ZNF783: variants seen among roughly 807,000 people sequenced by gnomAD.
ZNF783 encodes protein ZNF783.
A neutral mutation model predicts 31.3 loss-of-function variants in ZNF783; 25 were observed. The observed-to-expected ratio is 0.80, with a 90% CI of 0.58 to 1.11. ZNF783 has a LOEUF of 1.11. Ranked by LOEUF, ZNF783 falls within the 50% of genes most tolerant of loss-of-function variation. The pLI, the probability that ZNF783 is intolerant of heterozygous loss-of-function variation, is 0.00. For missense variants in ZNF783, 797 were observed against 760.0 expected (o/e 1.05, Z -0.57); for synonymous variants, 369 against 319.1 (o/e 1.16, Z -1.66).
Position 149,278,182 on chromosome 7 carries a change from G to A in ZNF783, c.674-217G>A, listed in dbSNP as rs529679039. Reference sequence around the variant, plus strand: ...CGATCATTACCGTGATTTCCTGTCTGCTGAATTCCTGTGCTGCAGTTTCCT... The same window carrying A: ...CGATCATTACCGTGATTTCCTGTCTACTGAATTCCTGTGCTGCAGTTTCCT... On this transcript the variant is annotated intron_variant, in intron 4 of 5. Transcript: ENST00000434415. 1.8e-5 allele frequency: 24 copies of A among 1,343,034 alleles called. No individual in the cohort carries two copies. In the South Asian group the frequency reaches 3.1e-4, roughly 18 times the overall value. 83.2% of individuals were successfully genotyped at this position (1,343,034 alleles called of 1,614,324 possible).
intron 4 of ZNF783, among the ~76,000 whole-genome samples, chr7:149,272,003 C>T (rs975637124): frequency 1.3e-5 from 2 of 152,010 alleles, no homozygotes; most frequent in Non-Finnish European, 2.9e-5. Context: ...TTTTTGCCAA[C>T]GTATCTTTTT....
intron 4 of ZNF783, among the ~76,000 whole-genome samples, chr7:149,268,540 G>A (rs1797140536): frequency 6.6e-6 from 1 of 151,994 alleles, no homozygotes; most frequent in Admixed American, 6.6e-5. Context: ...TTTGTTACAT[G>A]GGTATATTGT....
rs1209144642 is a variant in ZNF783, at chr7:149,266,482, G to T, written c.172G>T (p.Asp58Tyr). ...CATTCAGGCCTTGGAGAAGAAGGTG[G>T]ATTCCTGCCTGACCCGCTTGCTGAC... ...AAIQALEKKV[D>Y]SCLTRLLTLE... Residue 58 changes from aspartate (D) to tyrosine (Y), a missense_variant, in exon 2 of 6, where the codon GAT becomes TAT. Transcript: ENST00000434415. 2 of 1,612,738 alleles carry T rather than the reference G, an allele frequency of 1.2e-6. No homozygotes were observed. The highest frequency in any genetic ancestry group is 1.7e-5 in the Admixed American group (1 of 60,020).
rs957904754 is a variant in ZNF783, at chr7:149,282,891, G to A, written c.*548G>A. ...GCCTTTTGCAAAGTCGGAAAGAGTC[G>A]GCTTTTCCATGTGAGGCTCGCAGAG... On this transcript the variant is annotated 3_prime_UTR_variant, in exon 6 of 6. Coordinates refer to ENST00000434415, the MANE Select transcript of ZNF783 (RefSeq NM_001195220.2). 2 of 152,236 alleles carry A rather than the reference G, an allele frequency of 1.3e-5. No individual in the cohort carries two copies. Among genetic ancestry groups the A allele is most frequent in the Non-Finnish European group, 2.9e-5 (2 of 68,160 alleles). 9.4% of individuals were successfully genotyped at this position (152,236 alleles called of 1,614,324 possible). A position where few individuals can be genotyped will look rare whatever the true frequency, so the allele number is the denominator to read the frequency against.
At chr7:149,269,952 A>G (rs1462255762) in intron 4 of ZNF783, among the ~76,000 whole-genome samples, 1 of 151,708 alleles carries the variant, frequency 6.6e-6, no homozygotes, top group Non-Finnish European at 1.5e-5. Flanking sequence ...TAGTTTGCTG[A>G]GAATGATGGT....
intron 4 of ZNF783, among the ~76,000 whole-genome samples, chr7:149,274,804 C>T (rs764219444): frequency 1.3e-5 from 2 of 152,150 alleles, no homozygotes; most frequent in Non-Finnish European, 2.9e-5. Flanking sequence ...TACCGTAGAT[C>T]TGTAGTATAA....
At chr7:149,267,315 C>A in intron 4 of ZNF783, 93 bp downstream of exon 4, 1 of 1,479,262 alleles carries the variant, frequency 6.8e-7, no homozygotes, top group Non-Finnish European at 8.9e-7. Context: ...TCAGGGAGGG[C>A]AGGAAGGGAG....
At chr7:149,276,247 T>C (rs1394622880) in intron 4 of ZNF783, 1 of 703,610 alleles carries the variant, frequency 1.4e-6, no homozygotes, top group African/African-American at 1.9e-5. Context: ...TCACTTAGAC[T>C]GTTCTGTTTC....
chr7:149,263,302 G>GTATATA (rs1554477451), intron 1 of ZNF783, among the ~76,000 whole-genome samples: 5 of 62,770 alleles, frequency 8.0e-5, no homozygotes, highest in East Asian at 6.2e-4. Flanking sequence ...GTGTGTGTGT[G>GTATATA]TGTATATATA....
chr7:149,273,054 C>G (rs1435317411), intron 4 of ZNF783, among the ~76,000 whole-genome samples: 1 of 152,184 alleles, frequency 6.6e-6, no homozygotes, highest in Non-Finnish European at 1.5e-5. Context: ...TCCAGTTCCA[C>G]CCATGTTGTT....
chr7:149,268,838 A>G (rs1797147453), intron 4 of ZNF783, among the ~76,000 whole-genome samples: 1 of 152,132 alleles, frequency 6.6e-6, no homozygotes, highest in South Asian at 2.1e-4. Flanking sequence ...TTCTTTATTC[A>G]GTCCACCACT....
Position 149,266,686 on chromosome 7 carries a change from T to G in ZNF783, c.376T>G (p.Trp126Gly), listed in dbSNP as rs1430484880. 2.5e-6 allele frequency: 4 copies of G among 1,614,120 alleles called. No individual in the cohort carries two copies. The part of the protein sequence containing the change: ...VENLLRNRNF[W>G]ILRLPPGSKG... Reference sequence around the variant, plus strand: ...GAACTTGCTGCGCAACAGGAACTTCTGGATCTTGCGGCTGCCCCCGGGCAG... The same window carrying G: ...GAACTTGCTGCGCAACAGGAACTTCGGGATCTTGCGGCTGCCCCCGGGCAG... The change falls in exon 2 of 6, where the codon TGG becomes GGG. Residue 126 changes from tryptophan (W) to glycine (G), a missense_variant. Physicochemically the swap from Trp to Gly is radical, Grantham distance 184. Transcript: ENST00000434415.
Position 149,281,705 on chromosome 7 carries a change from G to C in ZNF783, c.1003G>C (p.Gly335Arg). Residue 335 changes from glycine (G) to arginine (R), a missense_variant, in exon 6 of 6, where the codon GGG (glycine) becomes CGG (arginine). Transcript: ENST00000434415. Reference protein sequence around the residue: ...AGEPRPPGASGETPRVLSRRR... With the variant: ...AGEPRPPGASRETPRVLSRRR... ...GGAGCCACGGCCACCGGGGGCCAGT[G>C]GGGAGACGCCCCGAGTCCTCTCCCG... 1 of 1,491,458 alleles carries C rather than the reference G, an allele frequency of 6.7e-7. No individual in the cohort carries two copies. The highest frequency in any genetic ancestry group is 2.4e-5 in the East Asian group (1 of 41,854). The allele number at this position is 1,491,458 out of a possible 1,614,324, so 92.4% of individuals were successfully genotyped here. A position where few individuals can be genotyped will look rare whatever the true frequency, so the allele number is the denominator to read the frequency against.
chr7:149,267,573 G>A (rs572144959), intron 4 of ZNF783, among the ~76,000 whole-genome samples: 6 of 152,266 alleles, frequency 3.9e-5, no homozygotes, highest in East Asian at 1.9e-4. Context: ...TGAGGCGGGC[G>A]GATCATGAGG....
At chr7:149,278,590 C>T (rs921235015) in intron 5 of ZNF783, 63 bp downstream of exon 5, 33 of 1,590,946 alleles carry the variant, frequency 2.1e-5, no homozygotes, top group Non-Finnish European at 2.4e-5. Flanking sequence ...GATCACCAAG[C>T]GATGGTGCTG....
intron 5 of ZNF783, 101 bp downstream of exon 5, chr7:149,278,628 G>A (rs2129525147): frequency 6.5e-7 from 1 of 1,538,946 alleles, no homozygotes; most frequent in Non-Finnish European, 8.7e-7. Flanking sequence ...CATGGGGCTG[G>A]GAGAGAGGGC....
Position 149,281,596 on chromosome 7 carries a change from G to C in ZNF783, c.894G>C (p.Glu298Asp). Reference sequence around the variant, plus strand: ...TGGGGGTGTCCCGAGGCCAGACCGAGTGTAGAATCCCCCGAGGGCCCAGGA... The same window carrying C: ...TGGGGGTGTCCCGAGGCCAGACCGACTGTAGAATCCCCCGAGGGCCCAGGA... ...LFLGVSRGQT[E>D]CRIPRGPRNR... The change falls in exon 6 of 6, where the codon GAG becomes GAC. Residue 298 changes from glutamate (E) to aspartate (D), a missense_variant. Glu to Asp is a conservative substitution (Grantham distance 45). Transcript: ENST00000434415. 2 of 1,541,024 alleles carry C rather than the reference G, an allele frequency of 1.3e-6. No homozygotes were observed. Among genetic ancestry groups the C allele is most frequent in the Non-Finnish European group, 1.7e-6 (2 of 1,156,144 alleles).
intron 1 of ZNF783, among the ~76,000 whole-genome samples, chr7:149,263,374 C>T (rs1468225848): frequency 6.9e-6 from 1 of 144,356 alleles, no homozygotes; most frequent in Non-Finnish European, 1.5e-5. Flanking sequence ...AGTGTAGTGG[C>T]GGGATCTCAT....
intron 2 of ZNF783, 33 bp downstream of exon 2, chr7:149,266,763 C>T (rs779519833): frequency 2.7e-5 from 43 of 1,613,128 alleles, no homozygotes; most frequent in Admixed American, 1.3e-4. Context: ...TGGGGGAGCT[C>T]GAGGGGCTGA....
Sources: gnomAD v4.1 joint callset for allele counts (sites outside exome capture counted in the v4.1 genomes callset) on GRCh38, gnomAD v4.1.1 for gene constraint, MANE v1.5 for transcripts, NCBI Gene and HGNC (gene_info 2026-07-23, HGNC 2026-07-21) for gene names.